Variants in SIRPB1 observed in about 807,000 individuals in gnomAD.
The protein encoded by SIRPB1 is signal-regulatory protein beta-1.
SIRPB1 carries 28 observed loss-of-function variants against 34.1 expected under a neutral mutation model. The observed-to-expected ratio is 0.82, with a 90% CI of 0.61 to 1.12. The LOEUF is 1.12. Among genes scored for constraint, SIRPB1 ranks in the 50% most tolerant of loss-of-function variants. The pLI is 0.00. For synonymous variants in SIRPB1, 211 were observed against 203.8 expected, an observed-to-expected ratio of 1.04 and a Z score of -0.30; for missense variants, 499 against 507.0, an observed-to-expected ratio of 0.98 and a Z score of 0.15.
intron 4 of SIRPB1, among the ~76,000 whole-genome samples, chr20:1,569,013 G>T (rs556088320): frequency 6.6e-6 from 1 of 152,162 alleles, no homozygotes; most frequent in South Asian, 2.1e-4. Flanking sequence ...TACCATTGCA[G>T]ACCCTGCAGA....
rs764764096 is a variant in SIRPB1 at position 1,566,230 on chromosome 20, A to G, written c.1122T>C (p.Ala374=). The G allele has an allele frequency of 1.2e-6, 2 of 1,611,322 alleles. No homozygotes were observed. Among genetic ancestry groups the G allele is most frequent in the Non-Finnish European group, 1.7e-6 (2 of 1,179,004 alleles). The change falls in exon 5 of 6, where the codon GCT becomes GCC. Residue 374 remains alanine (A), a synonymous_variant. Transcript: ENST00000381605. ...ALAPTAPLLV[A]LLLGPKLLLV... ...GTAGCAGCTTGGGGCCCAGGAGGAG[A>G]GCTACGAGGAGTGGAGCAGTAGGAG...
chr20:1,562,264 G>GT lies in SIRPB1; in HGVS notation c.*3235_*3236insA, dbSNP rs2091088417. Among the ~76,000 whole-genome samples, 11 of 152,264 alleles carry GT rather than the reference G, an allele frequency of 7.2e-5. No individual in the cohort carries two copies. In the South Asian group the frequency reaches 2.1e-3, roughly 29 times the overall value. ...AGAGAGAGTAGTCTTTAAAGAAAGA[G>GT]CTTGAGAATACAGCACACAAGCCAA... is the stretch of plus-strand genomic sequence containing the variant. On this transcript the variant is annotated 3_prime_UTR_variant, in exon 6 of 6. Transcript: ENST00000381605.
Position 1,571,829 on chromosome 20 carries a change from C to T in SIRPB1, c.642G>A (p.Val214=), listed in dbSNP as rs201202573. 2 of 1,614,258 alleles carry T rather than the reference C, an allele frequency of 1.2e-6. No individual in the cohort carries two copies. Among genetic ancestry groups the T allele is most frequent in the Non-Finnish European group, 1.7e-6 (2 of 1,180,042 alleles). Residue 214 remains valine (V), a synonymous_variant, in exon 3 of 6, where the codon GTG becomes GTA. Coordinates refer to ENST00000381605, the MANE Select transcript of SIRPB1 (RefSeq NM_006065.5). ...AGTGAACGTCCCCACGGGTCAGCAC[C>T]ACCCTGGCTGTGCTGTGGATGCTGT... The part of the protein sequence containing the change: ...VSYSIHSTAR[V]VLTRGDVHSQ...
intron 1 of SIRPB1, chr20:1,588,654 C>A: frequency 1.7e-6 from 1 of 583,104 alleles, no homozygotes. Flanking sequence ...CAGGAGCCTG[C>A]TCTGTTCAAA....
At chr20:1,579,755 C>A (rs2091375832) in intron 1 of SIRPB1, among the ~76,000 whole-genome samples, 1 of 147,886 alleles carries the variant, frequency 6.8e-6, no homozygotes, top group African/African-American at 2.5e-5. Flanking sequence ...GGTTAGAAGT[C>A]CAAAATAGTG....
intron 1 of SIRPB1, among the ~76,000 whole-genome samples, chr20:1,617,316 A>G (rs1245732419): frequency 1.3e-5 from 2 of 152,206 alleles, no homozygotes; most frequent in Admixed American, 1.3e-4. Context: ...ATAAATGGAG[A>G]AAGGAAATTG....
chr20:1,589,980 T>C (rs1316778624), intron 1 of SIRPB1, among the ~76,000 whole-genome samples: 1 of 49,564 alleles, frequency 2.0e-5, no homozygotes, highest in Admixed American at 1.4e-4. Context: ...ACATGCACCT[T>C]GTAGAGATGG....
At position 1,593,600 on chromosome 20, in the gene SIRPB1, T is replaced by A. The variant is rs1315729309; in HGVS notation, c.77-14906A>T. On this transcript the variant is annotated intron_variant, in intron 1 of 5. Coordinates refer to ENST00000381605, the MANE Select transcript of SIRPB1 (RefSeq NM_006065.5). ...TTAGTGGAGTCTCTTAATCAGATTA[T>A]GTTGTGAATACATTTGTACATTATT... Among the ~76,000 whole-genome samples the A allele has an allele frequency of 8.2e-5, 4 of 49,070 alleles. 2 individuals are homozygous for A. The highest frequency in any genetic ancestry group is 2.7e-4 in the African/African-American group (2 of 7,536). 32.2% of individuals were successfully genotyped at this position (49,070 alleles called of 152,430 possible).
rs1345621157 is a variant in SIRPB1, at chr20:1,564,082, T to C, written c.*1418A>G. 6.6e-6 allele frequency: 1 copy of C among 152,240 alleles called. No individual in the cohort carries two copies. The highest frequency in any genetic ancestry group is 1.5e-5 in the Non-Finnish European group (1 of 68,038). The allele number at this position is 152,240 out of a possible 1,614,324, so 9.4% of individuals were successfully genotyped here. ...TTGAATTGTAGTGCACAAATAAATA[T>C]TTATTTCATTATATTTTCATTGTCC... On this transcript the variant is annotated 3_prime_UTR_variant, in exon 6 of 6. Transcript: ENST00000381605.
intron 4 of SIRPB1, 58 bp from the exon 5 acceptor site, chr20:1,566,325 G>A (rs1238241942): frequency 3.7e-6 from 4 of 1,088,238 alleles, no homozygotes; most frequent in Non-Finnish European, 5.4e-6. Context: ...CTCATCCCAG[G>A]GGCCTCCACT....
In SIRPB1 at chr20:1,562,859, A is replaced by G. The variant is rs117655844; in HGVS notation, c.*2641T>C. 0.016 allele frequency among the ~76,000 whole-genome samples: 2,407 copies of G among 152,342 alleles called. 26 individuals are homozygous for G. Among genetic ancestry groups the G allele is most frequent in the Middle Eastern group, 0.031 (9 of 294 alleles). ...AAAGAGGAATTTTGCAACCAAGATG[A>G]AAGTGCAGTGAAGAAATGAGAAGTG... On this transcript the variant is annotated 3_prime_UTR_variant, in exon 6 of 6. Coordinates refer to ENST00000381605, the MANE Select transcript of SIRPB1 (RefSeq NM_006065.5).
chr20:1,578,383 C>G lies in SIRPB1; in HGVS notation c.388G>C (p.Asp130His), dbSNP rs572529769. 43 of 1,335,106 alleles carry G rather than the reference C, an allele frequency of 3.2e-5. 4 individuals are homozygous for G. The highest frequency in any genetic ancestry group is 1.9e-4 in the Middle Eastern group (1 of 5,374). 82.7% of individuals were successfully genotyped at this position (1,335,106 alleles called of 1,614,324 possible). ...CCTGCTCCAGACTTAAACTCCACGT[C>G]GTCAGGGCTCCCTTTCCGGAACTTC... ...CVKFRKGSPD[D>H]VEFKSGAGTE... The change falls in exon 2 of 6, where the codon GAC (aspartate) becomes CAC (histidine). Residue 130 changes from aspartate to histidine, a missense_variant. Asp to His is a moderately conservative substitution (Grantham distance 81). Transcript: ENST00000381605.
At chr20:1,571,656 TG>T in intron 3 of SIRPB1, 63 bp downstream of exon 3, 1 of 1,610,978 alleles carries the variant, frequency 6.2e-7, no homozygotes, top group South Asian at 1.1e-5. Context: ...CTCTGGAGCC[TG>T]GGGAGAGGGG....
At chr20:1,576,925 T>C (rs1463352267) in intron 2 of SIRPB1, among the ~76,000 whole-genome samples, 1 of 148,554 alleles carries the variant, frequency 6.7e-6, no homozygotes, top group Non-Finnish European at 1.5e-5. Context: ...GGTCATCCAC[T>C]GCATGATTGT....
chr20:1,566,107 C>A, intron 5 of SIRPB1, 46 bp downstream of exon 5: 1 of 1,313,996 alleles, frequency 7.6e-7, no homozygotes, highest in Admixed American at 2.0e-5. Flanking sequence ...GCTGGCCTTG[C>A]CTTTCTGGAG....
At chr20:1,566,804 A>G (rs1367338429) in intron 4 of SIRPB1, among the ~76,000 whole-genome samples, 1 of 152,054 alleles carries the variant, frequency 6.6e-6, no homozygotes, top group African/African-American at 2.4e-5. Flanking sequence ...TGCCCTTCTT[A>G]GCCCCAGGGG....
chr20:1,571,882 C>T lies in SIRPB1; in HGVS notation c.589G>A (p.Val197Met), dbSNP rs140374707. 1,006 of 1,614,228 alleles carry T rather than the reference C, an allele frequency of 6.2e-4. 1 individual carries two copies. The highest frequency in any genetic ancestry group is 8.2e-4 in the Non-Finnish European group (970 of 1,180,042). The change falls in exon 3 of 6, where the codon GTG becomes ATG. Residue 197 changes from valine to methionine, a missense_variant. By Grantham distance (21) the Val-to-Met change is conservative. Coordinates refer to ENST00000381605, the MANE Select transcript of SIRPB1 (RefSeq NM_006065.5). ...GNELSDFQTN[V>M]DPAGDSVSYS... ...GACACACTGTCTCCTGCGGGGTCCACGTTGGTCTGGAAGTCTGAGAGCTCA... is the reference window on the plus strand; with the variant it reads ...GACACACTGTCTCCTGCGGGGTCCATGTTGGTCTGGAAGTCTGAGAGCTCA...
intron 2 of SIRPB1, among the ~76,000 whole-genome samples, chr20:1,577,859 G>A (rs551835712): frequency 1.4e-5 from 2 of 147,424 alleles, no homozygotes; most frequent in East Asian, 1.9e-4. Flanking sequence ...CTTGGTGGGG[G>A]AGCGCTTTAG....
chr20:1,570,721 T>G (rs2091218171), intron 4 of SIRPB1, 84 bp downstream of exon 4: 1 of 1,131,140 alleles, frequency 8.8e-7, no homozygotes, highest in Admixed American at 2.2e-5. Context: ...ATTTATAGAC[T>G]TCTAGCTTAT....
Sources: gnomAD v4.1 joint callset for allele counts (sites outside exome capture counted in the v4.1 genomes callset) on GRCh38, gnomAD v4.1.1 for gene constraint, MANE v1.5 for transcripts, NCBI Gene and HGNC (gene_info 2026-07-23, HGNC 2026-07-21) for gene names.